Variants in NCOA3 observed in about 807,000 individuals in gnomAD.
NCOA3 encodes the protein nuclear receptor coactivator 3.
NCOA3 carries 51 observed loss-of-function variants against 158.8 expected under a neutral mutation model. The ratio of observed to expected loss-of-function variants is 0.32; its 90% confidence interval spans 0.26 to 0.41. NCOA3 has a LOEUF of 0.41. NCOA3 is among the 10% of genes least tolerant of loss of function. The probability of loss-of-function intolerance (pLI) is 1.00; values close to 1 mark genes in which losing one functional copy is unlikely to be tolerated. For synonymous variants in NCOA3, 537 were observed against 592.4 expected (o/e 0.91, Z 1.36); for missense variants, 1,510 against 1,746.6 (o/e 0.86, Z 2.41).
chr20:47,530,277 AATC>A (rs2084523435), intron 1 of NCOA3, among the ~76,000 whole-genome samples: 1 of 152,188 alleles, frequency 6.6e-6, no homozygotes, highest in Non-Finnish European at 1.5e-5. Flanking sequence ...GAAGATATAT[AATC>A]ATCCTTTTAG....
chr20:47,525,026 G>T (rs1006705207), intron 1 of NCOA3, among the ~76,000 whole-genome samples: 2 of 150,004 alleles, frequency 1.3e-5, no homozygotes, highest in Admixed American at 6.6e-5. Context: ...GGGAAGGTCA[G>T]CAGATAAACA....
intron 16 of NCOA3, 99 bp downstream of exon 16, chr20:47,640,150 C>T: frequency 6.6e-7 from 1 of 1,507,708 alleles, no homozygotes; most frequent in Non-Finnish European, 9.1e-7. Context: ...ATGAGAATTC[C>T]CTATAATTGA....
At position 47,655,645 on chromosome 20, in the gene NCOA3, A is replaced by G. The variant is rs552218307; in HGVS notation, c.*2228A>G. On this transcript the variant is annotated 3_prime_UTR_variant, in exon 23 of 23. Coordinates refer to ENST00000371998, the MANE Select transcript of NCOA3 (RefSeq NM_181659.3). ...ATAGTATACTCTCCTGTTTGGAGACAGAGGAAGAACCAGGTCAGTCTGTCT... is the reference window on the plus strand; with the variant it reads ...ATAGTATACTCTCCTGTTTGGAGACGGAGGAAGAACCAGGTCAGTCTGTCT... The G allele has an allele frequency of 9.8e-5, 15 of 152,754 alleles. 1 individual carries two copies. In the East Asian group the frequency reaches 2.9e-3, roughly 29 times the overall value. The allele number at this position is 152,754 out of a possible 1,614,324, so 9.5% of individuals were successfully genotyped here. A position where few individuals can be genotyped will look rare whatever the true frequency, so the allele number is the denominator to read the frequency against.
At chr20:47,635,747 C>G (rs763936775) in intron 11 of NCOA3, 34 bp downstream of exon 11, 7 of 1,562,840 alleles carry the variant, frequency 4.5e-6, no homozygotes, top group Non-Finnish European at 6.0e-6. Context: ...TATTTTTTTT[C>G]TTTTTAAGTA....
At chr20:47,638,490 T>A (rs532973594) in intron 13 of NCOA3, among the ~76,000 whole-genome samples, 1 of 152,334 alleles carries the variant, frequency 6.6e-6, no homozygotes, top group African/African-American at 2.4e-5. Flanking sequence ...GAATGGTCAT[T>A]ATTCAGTAGC....
intron 1 of NCOA3, among the ~76,000 whole-genome samples, chr20:47,504,890 T>C (rs2084001509): frequency 6.6e-6 from 1 of 151,688 alleles, no homozygotes; most frequent in African/African-American, 2.4e-5. Flanking sequence ...TTGAAAAGTC[T>C]TTAAAAGAAA....
chr20:47,644,948 G>A (rs1268850675), intron 17 of NCOA3, among the ~76,000 whole-genome samples: 5 of 150,560 alleles, frequency 3.3e-5, no homozygotes, highest in East Asian at 2.0e-4. Flanking sequence ...CACCTGCCTC[G>A]GCCTCCCAAA....
At chr20:47,527,869 G>A (rs1272682768) in intron 1 of NCOA3, among the ~76,000 whole-genome samples, 1 of 152,012 alleles carries the variant, frequency 6.6e-6, no homozygotes, top group African/African-American at 2.4e-5. Context: ...CAGCTTCTTT[G>A]GTGAAGTGTC....
chr20:47,651,092 A>AGAG lies in NCOA3; in HGVS notation c.3762_3763insGAG (p.Gln1254_Gln1255insGlu). Reference sequence around the variant, plus strand: ...TGATGCAGCAGCAGCAGCAGCAGCAACAGCAGCAGCAGCAGCAGCAGCAGC... The same window carrying AGAG: ...TGATGCAGCAGCAGCAGCAGCAGCAAGAGCAGCAGCAGCAGCAGCAGCAGCAGC... On this transcript the variant is annotated inframe_insertion, in exon 20 of 23. Transcript: ENST00000371998. 1 of 1,461,126 alleles carries AGAG rather than the reference A, an allele frequency of 6.8e-7. No homozygotes were observed. The allele number at this position is 1,461,126 out of a possible 1,614,324, so 90.5% of individuals were successfully genotyped here. A position where few individuals can be genotyped will look rare whatever the true frequency, so the allele number is the denominator to read the frequency against.
intron 1 of NCOA3, among the ~76,000 whole-genome samples, chr20:47,525,631 T>C (rs2084421938): frequency 8.4e-6 from 1 of 119,534 alleles, no homozygotes; most frequent in Non-Finnish European, 1.7e-5. Context: ...CCCACCTCCC[T>C]CCCGGACGGG....
In NCOA3 at chr20:47,639,703, A is replaced by G. The variant is rs751766453; in HGVS notation, c.2834A>G (p.Tyr945Cys). 6.2e-7 allele frequency: 1 copy of G among 1,614,200 alleles called. No homozygotes were observed. Among genetic ancestry groups the G allele is most frequent in the Non-Finnish European group, 8.5e-7 (1 of 1,180,044 alleles). Residue 945 changes from tyrosine (Y) to cysteine (C), a missense_variant, in exon 15 of 23, where the codon TAT (tyrosine) becomes TGT (cysteine). By Grantham distance (194) the Tyr-to-Cys change is radical. Transcript: ENST00000371998. ...TCCATGGGAAGACCAGGAGGAGATT[A>G]TAATACTTCTTTACCCAGACCTGCA... The part of the protein sequence containing the change: ...SNSMGRPGGD[Y>C]NTSLPRPALG...
intron 1 of NCOA3, among the ~76,000 whole-genome samples, chr20:47,557,497 A>C (rs2085025308): frequency 6.6e-6 from 1 of 152,206 alleles, no homozygotes; most frequent in Admixed American, 6.5e-5. Flanking sequence ...TTAAACCGCC[A>C]CCTGTCTGAT....
rs1249027610 is a variant in NCOA3 at position 47,555,979 on chromosome 20, G to C, written c.-98-27204G>C. 3.7e-5 allele frequency among the ~76,000 whole-genome samples: 5 copies of C among 133,940 alleles called. No individual in the cohort carries two copies. In the East Asian group the frequency reaches 1.1e-3, roughly 29 times the overall value. The allele number at this position is 133,940 out of a possible 152,430, so 87.9% of individuals were successfully genotyped here. ...TTTTTCTGAGGCAGAGTCTTCCTCT[G>C]TTGTCCAGGCAATGGTGTGATCTTG... On this transcript the variant is annotated intron_variant, in intron 1 of 22. Coordinates refer to ENST00000371998, the MANE Select transcript of NCOA3 (RefSeq NM_181659.3).
At chr20:47,594,664 C>CAAAAAAAAAAAAAAAAAAAAAA (rs377014290) in intron 2 of NCOA3, among the ~76,000 whole-genome samples, 2 of 72,942 alleles carry the variant, frequency 2.7e-5, no homozygotes, top group Non-Finnish European at 4.9e-5. Flanking sequence ...GACTCTGTCT[C>CAAAAAAAAAAAAAAAAAAAAAA]AAAAAAAAAA....
chr20:47,640,546 TA>T (rs1276800708), intron 16 of NCOA3, among the ~76,000 whole-genome samples: 2 of 152,178 alleles, frequency 1.3e-5, no homozygotes, highest in South Asian at 4.1e-4. Flanking sequence ...TCAGTGATGA[TA>T]GTGAAATAAC....
rs560043363 is a variant in NCOA3 at position 47,520,905 on chromosome 20, C to T, written c.-99+18886C>T. 8.0e-4 allele frequency among the ~76,000 whole-genome samples: 122 copies of T among 152,328 alleles called. 2 individuals are homozygous for T. Among genetic ancestry groups the T allele is most frequent in the South Asian group, 3.1e-3 (15 of 4,828 alleles). On this transcript the variant is annotated intron_variant, in intron 1 of 22. Coordinates refer to ENST00000371998, the MANE Select transcript of NCOA3 (RefSeq NM_181659.3). ...TAAGCCATATGAGGTAGCTATGGAACGCAGAGGGCACCCACTCACTCTGTC... is the reference window on the plus strand; with the variant it reads ...TAAGCCATATGAGGTAGCTATGGAATGCAGAGGGCACCCACTCACTCTGTC...
intron 1 of NCOA3, among the ~76,000 whole-genome samples, chr20:47,502,424 C>A (rs991255587): frequency 6.6e-6 from 1 of 152,180 alleles, no homozygotes; most frequent in Non-Finnish European, 1.5e-5. Context: ...TGCCCCGGCT[C>A]CTTAGCAGCT....
chr20:47,545,759 G>T (rs757443812), intron 1 of NCOA3, among the ~76,000 whole-genome samples: 3 of 151,062 alleles, frequency 2.0e-5, no homozygotes, highest in Non-Finnish European at 3.0e-5. Context: ...CTGTCGCCTA[G>T]GCTGAAGTGC....
intron 1 of NCOA3, among the ~76,000 whole-genome samples, chr20:47,523,802 A>G (rs2084382935): frequency 6.6e-6 from 1 of 152,240 alleles, no homozygotes; most frequent in Admixed American, 6.5e-5. Context: ...TGCTATAAGG[A>G]TAATAATTAA....
Sources: gnomAD v4.1 joint callset for allele counts (sites outside exome capture counted in the v4.1 genomes callset) on GRCh38, gnomAD v4.1.1 for gene constraint, MANE v1.5 for transcripts, NCBI Gene and HGNC (gene_info 2026-07-23, HGNC 2026-07-21) for gene names.